The following HOXA9 variants were observed in gnomAD, a reference collection of about 807,000 sequenced individuals.
The protein encoded by HOXA9 is homeobox A9.
A neutral mutation model predicts 19.0 loss-of-function variants in HOXA9; 18 were observed. That is an observed-to-expected ratio of 0.95 (90% CI 0.65 to 1.40). HOXA9 has a LOEUF of 1.40. Ranked by LOEUF, HOXA9 falls within the 40% of genes most tolerant of loss-of-function variation. The pLI is 0.00. For missense variants in HOXA9, 443 were observed against 372.2 expected, an observed-to-expected ratio of 1.19 and a Z score of -1.57; for synonymous variants, 198 against 161.1, an observed-to-expected ratio of 1.23 and a Z score of -1.73.
Position 27,165,330 on chromosome 7 carries a change from G to A in HOXA9, c.128C>T (p.Ala43Val). The A allele has an allele frequency of 6.3e-7, 1 of 1,579,278 alleles. No homozygotes were observed. Among genetic ancestry groups the A allele is most frequent in the Non-Finnish European group, 8.6e-7 (1 of 1,164,588 alleles). ...GTLGQPPRQAATLAEHPDFSP... is the reference protein window; with the variant it reads ...GTLGQPPRQAVTLAEHPDFSP... The stretch of plus-strand genomic sequence containing the variant: ...GAAGTCGGGGTGCTCGGCCAGCGTC[G>A]CCGCCTGCCGGGGAGGCTGGCCCAG... Residue 43 changes from alanine to valine, a missense_variant, in exon 1 of 2, where the codon GCG (alanine) becomes GTG (valine). Coordinates refer to ENST00000343483, the MANE Select transcript of HOXA9 (RefSeq NM_152739.4).
rs200749905 is a variant in HOXA9 at position 27,163,346 on chromosome 7, G to GC, written c.*256dup. ...AACACACACAGCTATCAGCACTAAT[G>GC]CCCCCCCCTCAACTTTTCCTTTTTC... On this transcript the variant is annotated 3_prime_UTR_variant, in exon 2 of 2. Transcript: ENST00000343483. The GC allele has an allele frequency of 1.5e-3, 690 of 475,718 alleles. 2 individuals are homozygous for GC. The highest frequency in any genetic ancestry group is 5.3e-3 in the South Asian group (165 of 31,014). 29.5% of individuals were successfully genotyped at this position (475,718 alleles called of 1,614,324 possible). A position where few individuals can be genotyped will look rare whatever the true frequency, so the allele number is the denominator to read the frequency against.
chr7:27,164,788 G>T (rs1439384236), intron 1 of HOXA9, 90 bp downstream of exon 1: 6 of 1,541,958 alleles, frequency 3.9e-6, no homozygotes. Flanking sequence ...CAGCGAGGAC[G>T]AAGGCAGGCT....
In HOXA9 at chr7:27,164,914, T is replaced by G; in HGVS notation, c.544A>C (p.Asn182His). The change falls in exon 1 of 2, where the codon AAT (asparagine) becomes CAT (histidine). Residue 182 changes from asparagine (N) to histidine (H), a missense_variant. Asn to His is a moderately conservative substitution (Grantham distance 68). Transcript: ENST00000343483. ...GGGGGCTTGTCTCCGCCGCTCTCAT[T>G]CTCAGCATTGTTTTCAGAGAAGGCG... is the stretch of plus-strand genomic sequence containing the variant. ...EGAFSENNAENESGGDKPPID... is the reference protein window; with the variant it reads ...EGAFSENNAEHESGGDKPPID... 1 of 1,614,178 alleles carries G rather than the reference T, an allele frequency of 6.2e-7. No homozygotes were observed.
In HOXA9 at chr7:27,162,847, C is replaced by T. The variant is rs1449231643; in HGVS notation, c.*756G>A. 1 of 199,548 alleles carries T rather than the reference C, an allele frequency of 5.0e-6. No homozygotes were observed. Among genetic ancestry groups the T allele is most frequent in the Non-Finnish European group, 1.0e-5 (1 of 96,694 alleles). The allele number at this position is 199,548 out of a possible 1,614,324, so 12.4% of individuals were successfully genotyped here. On this transcript the variant is annotated 3_prime_UTR_variant, in exon 2 of 2. Coordinates refer to ENST00000343483, the MANE Select transcript of HOXA9 (RefSeq NM_152739.4). Reference sequence around the variant, plus strand: ...AAGACAGGACTATATAGATAATGGACAGACTTAAATGCCCGCATTTTTAAG... The same window carrying T: ...AAGACAGGACTATATAGATAATGGATAGACTTAAATGCCCGCATTTTTAAG...
At position 27,163,611 on chromosome 7, in the gene HOXA9, CT is replaced by C; in HGVS notation, c.810del (p.Asp271ThrfsTer15). On this transcript the variant is annotated frameshift_variant, in exon 2 of 2. Coordinates refer to ENST00000343483, the MANE Select transcript of HOXA9 (RefSeq NM_152739.4). LOFTEE classifies it high-confidence loss of function. ...AATAAGCCCAAATGGCATCACTCGT[CT>C]TTTGCTCGGTCTTTGTTGATTTTCT... ...KMKKINKDRAKDE is the reference protein window; with the variant it reads ...KMKKINKDRAXDE 1 of 1,611,616 alleles carries C rather than the reference CT, an allele frequency of 6.2e-7. No homozygotes were observed. The highest frequency in any genetic ancestry group is 1.1e-5 in the South Asian group (1 of 91,028).
chr7:27,163,916 G>C lies in HOXA9; in HGVS notation c.581-75C>G, dbSNP rs1409895403. 4.8e-6 allele frequency: 6 copies of C among 1,260,858 alleles called. No individual in the cohort carries two copies. In the Middle Eastern group the frequency reaches 5.7e-4, roughly 119 times the overall value. The allele number at this position is 1,260,858 out of a possible 1,614,324, so 78.1% of individuals were successfully genotyped here. A position where few individuals can be genotyped will look rare whatever the true frequency, so the allele number is the denominator to read the frequency against. ...CTGGGGCAAATGAGCCTCCTGCATG[G>C]GGTCTCTGGCCGAAGTGCAGAACTC... On this transcript the variant is annotated intron_variant, in intron 1 of 1. Coordinates refer to ENST00000343483, the MANE Select transcript of HOXA9 (RefSeq NM_152739.4).
chr7:27,163,244 G>A lies in HOXA9; in HGVS notation c.*359C>T. 1 of 261,548 alleles carries A rather than the reference G, an allele frequency of 3.8e-6. No individual in the cohort carries two copies. Among genetic ancestry groups the A allele is most frequent in the Non-Finnish European group, 7.4e-6 (1 of 135,936 alleles). 16.2% of individuals were successfully genotyped at this position (261,548 alleles called of 1,614,324 possible). The stretch of plus-strand genomic sequence containing the variant: ...TATACAGCCTACCATCAACAGTTGT[G>A]CATTATAAAAAGGTAGTTTCTTTCC... On this transcript the variant is annotated 3_prime_UTR_variant, in exon 2 of 2. Transcript: ENST00000343483.
rs901540701 is a variant in HOXA9, at chr7:27,162,478, TATC to T, written c.*1122_*1124del. On this transcript the variant is annotated 3_prime_UTR_variant, in exon 2 of 2. Transcript: ENST00000343483. Reference sequence around the variant, plus strand: ...ATATTTTATTTGGCAAAAAGTTAAATATCATCTCAACACAACAATTTGGTCAGT... The same window carrying T: ...ATATTTTATTTGGCAAAAAGTTAAATATCTCAACACAACAATTTGGTCAGT... 9.1e-5 allele frequency: 18 copies of T among 198,838 alleles called. No individual in the cohort carries two copies. The highest frequency in any genetic ancestry group is 1.8e-4 in the Non-Finnish European group (17 of 96,032). The allele number at this position is 198,838 out of a possible 1,614,324, so 12.3% of individuals were successfully genotyped here. A position where few individuals can be genotyped will look rare whatever the true frequency, so the allele number is the denominator to read the frequency against.
rs149001266 is a variant in HOXA9 at position 27,162,721 on chromosome 7, G to A, written c.*882C>T. The stretch of plus-strand genomic sequence containing the variant: ...TAGTAACCTTCTGCACATATGTATA[G>A]CTCCGAATTTCCTCACTGTTCGTCT... On this transcript the variant is annotated 3_prime_UTR_variant, in exon 2 of 2. Coordinates refer to ENST00000343483, the MANE Select transcript of HOXA9 (RefSeq NM_152739.4). 32 of 209,406 alleles carry A rather than the reference G, an allele frequency of 1.5e-4. No individual in the cohort carries two copies. The highest frequency in any genetic ancestry group is 3.0e-4 in the Non-Finnish European group (31 of 102,796). The allele number at this position is 209,406 out of a possible 1,614,324, so 13.0% of individuals were successfully genotyped here. A position where few individuals can be genotyped will look rare whatever the true frequency, so the allele number is the denominator to read the frequency against.
chr7:27,164,199 G>C (rs1275710922), intron 1 of HOXA9, among the ~76,000 whole-genome samples: 1 of 152,232 alleles, frequency 6.6e-6, no homozygotes, highest in Non-Finnish European at 1.5e-5. Context: ...TCTGTAGCAA[G>C]ATTAGGATTC....
rs1366271746 is a variant in HOXA9, at chr7:27,162,500, G to T, written c.*1103C>A. 1.5e-5 allele frequency: 3 copies of T among 205,354 alleles called. No individual in the cohort carries two copies. Among genetic ancestry groups the T allele is most frequent in the Non-Finnish European group, 3.0e-5 (3 of 100,224 alleles). The allele number at this position is 205,354 out of a possible 1,614,324, so 12.7% of individuals were successfully genotyped here. A position where few individuals can be genotyped will look rare whatever the true frequency, so the allele number is the denominator to read the frequency against. On this transcript the variant is annotated 3_prime_UTR_variant, in exon 2 of 2. Transcript: ENST00000343483. ...AAATATCATCTCAACACAACAATTT[G>T]GTCAGTAGGCCTTGAGGTAACTATT...
In HOXA9 at chr7:27,162,641, C is replaced by G. The variant is rs755828947; in HGVS notation, c.*962G>C. The G allele has an allele frequency of 2.0e-4, 41 of 209,112 alleles. No homozygotes were observed. Among genetic ancestry groups the G allele is most frequent in the Non-Finnish European group, 3.0e-4 (31 of 102,526 alleles). The allele number at this position is 209,112 out of a possible 1,614,324, so 13.0% of individuals were successfully genotyped here. A position where few individuals can be genotyped will look rare whatever the true frequency, so the allele number is the denominator to read the frequency against. On this transcript the variant is annotated 3_prime_UTR_variant, in exon 2 of 2. Coordinates refer to ENST00000343483, the MANE Select transcript of HOXA9 (RefSeq NM_152739.4). ...TATAATTTATTATCAATAAAATTAACTCCGTTACAATCAGCATTCATTTCC... is the reference window on the plus strand; with the variant it reads ...TATAATTTATTATCAATAAAATTAAGTCCGTTACAATCAGCATTCATTTCC...
Position 27,163,859 on chromosome 7 carries a change from A to G in HOXA9, c.581-18T>C. The G allele has an allele frequency of 1.9e-6, 3 of 1,604,900 alleles. No homozygotes were observed. The highest frequency in any genetic ancestry group is 2.6e-6 in the Non-Finnish European group (3 of 1,172,888). On this transcript the variant is annotated intron_variant, in intron 1 of 1. Transcript: ENST00000343483. ...TGGGTTATCTGCGGGGAAGAGAAAC[A>G]CTGGGTTTAGGAGCAGAAGACGCAC...
chr7:27,165,204 T>G lies in HOXA9; in HGVS notation c.254A>C (p.His85Pro). The change falls in exon 1 of 2, where the codon CAC (histidine) becomes CCC (proline). Residue 85 changes from histidine to proline, a missense_variant. Transcript: ENST00000343483. ...ANAVPAAVYH[H>P]HHHHPYVHPQ... ...GTGCACGTAGGGGTGGTGGTGATGG[T>G]GGTGGTACACCGCAGCGGGTACAGC... 6.3e-7 allele frequency: 1 copy of G among 1,588,086 alleles called. No homozygotes were observed.
In HOXA9 at chr7:27,163,261, T is replaced by C. The variant is rs1783239185; in HGVS notation, c.*342A>G. 1 of 272,104 alleles carries C rather than the reference T, an allele frequency of 3.7e-6. No individual in the cohort carries two copies. Among genetic ancestry groups the C allele is most frequent in the South Asian group, 1.2e-4 (1 of 8,504 alleles). 16.9% of individuals were successfully genotyped at this position (272,104 alleles called of 1,614,324 possible). On this transcript the variant is annotated 3_prime_UTR_variant, in exon 2 of 2. Transcript: ENST00000343483. Reference sequence around the variant, plus strand: ...ACAGTTGTGCATTATAAAAAGGTAGTTTCTTTCCTTTTGTTTTAAGTCAGG... The same window carrying C: ...ACAGTTGTGCATTATAAAAAGGTAGCTTCTTTCCTTTTGTTTTAAGTCAGG...
At chr7:27,163,933 G>C in intron 1 of HOXA9, 92 bp from the exon 2 acceptor site, 1 of 1,016,590 alleles carries the variant, frequency 9.8e-7, no homozygotes, top group African/African-American at 1.6e-5. Context: ...TGGCCGAAGT[G>C]CAGAACTCTG....
intron 1 of HOXA9, among the ~76,000 whole-genome samples, chr7:27,164,421 G>A (rs1363286742): frequency 6.6e-6 from 1 of 152,196 alleles, no homozygotes; most frequent in East Asian, 1.9e-4. Flanking sequence ...CAGGATTTAC[G>A]CCGCCACTGG....
Position 27,164,888 on chromosome 7 carries a change from G to C in HOXA9, c.570C>G (p.Pro190=). The change falls in exon 1 of 2, where the codon CCC becomes CCG. Residue 190 remains proline, a synonymous_variant. Transcript: ENST00000343483. ...AENESGGDKP[P]IDPNNPAANW... Reference sequence around the variant, plus strand: ...GGAGGAGACACTTACTGGGATCGATGGGGGGCTTGTCTCCGCCGCTCTCAT... The same window carrying C: ...GGAGGAGACACTTACTGGGATCGATCGGGGGCTTGTCTCCGCCGCTCTCAT... 6.2e-7 allele frequency: 1 copy of C among 1,613,900 alleles called. No individual in the cohort carries two copies. The highest frequency in any genetic ancestry group is 2.2e-5 in the East Asian group (1 of 44,872).
chr7:27,165,023 G>A lies in HOXA9; in HGVS notation c.435C>T (p.Pro145=). The A allele has an allele frequency of 6.2e-7, 1 of 1,614,246 alleles. No homozygotes were observed. The highest frequency in any genetic ancestry group is 2.2e-5 in the East Asian group (1 of 44,888). ...GGGACAAAGTGTGAGTGTCAAGCGT[G>A]GGACAGTCACCCCTTCTGGCCGACA... ...EPLSARRGDC[P]TLDTHTLSLT... is the part of the protein sequence containing the mutation. The change falls in exon 1 of 2, where the codon CCC becomes CCT. Residue 145 remains proline (P), a synonymous_variant. Coordinates refer to ENST00000343483, the MANE Select transcript of HOXA9 (RefSeq NM_152739.4).
Sources: allele counts gnomAD v4.1 joint callset (sites outside exome capture counted in the v4.1 genomes callset), GRCh38; gene constraint gnomAD v4.1.1; transcripts MANE v1.5; gene names NCBI Gene and HGNC (gene_info 2026-07-23, HGNC 2026-07-21).